PDCD1LG2: variants seen among roughly 807,000 people sequenced by gnomAD.
The protein encoded by PDCD1LG2 is programmed cell death 1 ligand 2.
PDCD1LG2 carries 32 observed loss-of-function variants against 28.2 expected under a neutral mutation model. That is an observed-to-expected ratio of 1.13 (90% CI 0.86 to 1.52). The LOEUF (loss-of-function observed/expected upper bound fraction) is 1.52, where lower values mean the gene tolerates loss of function less well. Ranked by LOEUF, PDCD1LG2 falls within the 40% of genes most tolerant of loss-of-function variation. The pLI is 0.00. For missense variants in PDCD1LG2, 385 were observed against 323.8 expected (o/e 1.19, Z -1.45); for synonymous variants, 116 against 120.2 (o/e 0.97, Z 0.23).
At position 5,556,959 on chromosome 9, in the gene PDCD1LG2, C is replaced by T. The variant is rs181943568; in HGVS notation, c.632-659C>T. The stretch of plus-strand genomic sequence containing the variant: ...ACTCACCCTTTCCTCAGTGCTAGGA[C>T]GTTGAAAAACCGAAACAAGGCAAAG... On this transcript the variant is annotated intron_variant, in intron 4 of 6. Transcript: ENST00000397747. 1.7e-4 allele frequency among the ~76,000 whole-genome samples: 26 copies of T among 152,274 alleles called. No homozygotes were observed. In the East Asian group the frequency reaches 2.1e-3, roughly 12 times the overall value.
At chr9:5,565,707 T>C (rs1307497645) in intron 6 of PDCD1LG2, among the ~76,000 whole-genome samples, 1 of 152,198 alleles carries the variant, frequency 6.6e-6, no homozygotes, top group Non-Finnish European at 1.5e-5. Context: ...GATATTTGTC[T>C]TTCTGTCCGT....
At chr9:5,563,095 T>C in intron 5 of PDCD1LG2, 67 bp from the exon 6 acceptor site, 17 of 1,279,020 alleles carry the variant, frequency 1.3e-5, no homozygotes, top group Non-Finnish European at 1.8e-5. Context: ...TCCTGCCATA[T>C]TTTAATCTAT....
At chr9:5,525,875 C>T (rs550136876) in intron 2 of PDCD1LG2, among the ~76,000 whole-genome samples, 16 of 151,950 alleles carry the variant, frequency 1.1e-4, no homozygotes, top group South Asian at 2.1e-4. Context: ...GGTGAAACCT[C>T]GTCTCTACAA....
At chr9:5,516,981 G>A (rs1820179118) in intron 1 of PDCD1LG2, among the ~76,000 whole-genome samples, 1 of 152,186 alleles carries the variant, frequency 6.6e-6, no homozygotes. Flanking sequence ...AACTCAGTAC[G>A]GGGCGGGACT....
intron 4 of PDCD1LG2, 148 bp from the exon 5 acceptor site, chr9:5,557,470 A>G (rs1816467752): frequency 1.1e-6 from 1 of 869,980 alleles, no homozygotes; most frequent in Non-Finnish European, 1.8e-6. Context: ...ATGAGCTGAT[A>G]GGTGCAGAGC....
intron 5 of PDCD1LG2, among the ~76,000 whole-genome samples, chr9:5,561,520 G>A (rs756374096): frequency 5.3e-5 from 8 of 152,164 alleles, no homozygotes; most frequent in Non-Finnish European, 1.0e-4. Flanking sequence ...ATACAAATTG[G>A]TTCAGTCAAT....
chr9:5,515,379 T>C (rs1264884277), intron 1 of PDCD1LG2, among the ~76,000 whole-genome samples: 1 of 152,224 alleles, frequency 6.6e-6, no homozygotes, highest in Non-Finnish European at 1.5e-5. Context: ...ACATAAGTGT[T>C]TCTGTTACAG....
intron 3 of PDCD1LG2, among the ~76,000 whole-genome samples, chr9:5,548,170 C>T (rs1816251207): frequency 6.6e-6 from 1 of 152,124 alleles, no homozygotes; most frequent in Admixed American, 6.5e-5. Flanking sequence ...TTCCACATCC[C>T]CAGCCTCTGA....
At chr9:5,515,152 A>G (rs896131865) in intron 1 of PDCD1LG2, among the ~76,000 whole-genome samples, 3 of 152,242 alleles carry the variant, frequency 2.0e-5, no homozygotes, top group Admixed American at 1.3e-4. Context: ...GGTTTGGTCA[A>G]GAGACCCAGA....
At chr9:5,555,521 A>T (rs1182213300) in intron 4 of PDCD1LG2, among the ~76,000 whole-genome samples, 4 of 152,236 alleles carry the variant, frequency 2.6e-5, no homozygotes, top group Admixed American at 2.6e-4. Context: ...CTAAGCTACC[A>T]TAATGAAGAG....
chr9:5,526,747 T>C (rs1349879815), intron 2 of PDCD1LG2, among the ~76,000 whole-genome samples: 1 of 152,190 alleles, frequency 6.6e-6, no homozygotes, highest in Admixed American at 6.5e-5. Context: ...CTGCCCTTTA[T>C]TTTTTCATGA....
intron 3 of PDCD1LG2, among the ~76,000 whole-genome samples, chr9:5,535,476 T>C (rs1333875441): frequency 6.6e-6 from 1 of 152,160 alleles, no homozygotes; most frequent in East Asian, 1.9e-4. Flanking sequence ...ATCAATTTAG[T>C]GAGTAGCAAC....
intron 1 of PDCD1LG2, among the ~76,000 whole-genome samples, chr9:5,512,920 T>C (rs1444089361): frequency 6.6e-6 from 1 of 152,212 alleles, no homozygotes; most frequent in South Asian, 2.1e-4. Flanking sequence ...CAGTCAATTG[T>C]TTTGTCAATT....
chr9:5,522,331 T>C (rs1392791229), intron 1 of PDCD1LG2, among the ~76,000 whole-genome samples: 1 of 152,252 alleles, frequency 6.6e-6, no homozygotes, highest in African/African-American at 2.4e-5. Context: ...TTTGGATTTA[T>C]AAAGAGTGTC....
chr9:5,524,857 C>A (rs1820340920), intron 2 of PDCD1LG2, among the ~76,000 whole-genome samples: 1 of 152,086 alleles, frequency 6.6e-6, no homozygotes, highest in Non-Finnish European at 1.5e-5. Context: ...AGTAATCAGA[C>A]TGCAACACTC....
chr9:5,543,648 C>G (rs1364422159), intron 3 of PDCD1LG2, among the ~76,000 whole-genome samples: 1 of 151,626 alleles, frequency 6.6e-6, no homozygotes, highest in Non-Finnish European at 1.5e-5. Flanking sequence ...GACAACTGTA[C>G]GTTTAAGCCT....
chr9:5,519,004 T>A (rs1820222420), intron 1 of PDCD1LG2, among the ~76,000 whole-genome samples: 1 of 152,122 alleles, frequency 6.6e-6, no homozygotes, highest in East Asian at 1.9e-4. Context: ...AAAAAGTATG[T>A]TGTACTCACA....
chr9:5,529,875 T>G (rs1005443292), intron 2 of PDCD1LG2, among the ~76,000 whole-genome samples: 2 of 152,206 alleles, frequency 1.3e-5, no homozygotes, highest in Non-Finnish European at 2.9e-5. Flanking sequence ...CTCCATGCAG[T>G]CCTCCTACAC....
At chr9:5,543,556 A>G (rs1158979071) in intron 3 of PDCD1LG2, among the ~76,000 whole-genome samples, 1 of 150,992 alleles carries the variant, frequency 6.6e-6, no homozygotes, top group African/African-American at 2.5e-5. Context: ...AAAAAAAAAA[A>G]AAAATGGCCT....
Sources: gnomAD v4.1 joint callset for allele counts (sites outside exome capture counted in the v4.1 genomes callset) on GRCh38, gnomAD v4.1.1 for gene constraint, MANE v1.5 for transcripts, NCBI Gene and HGNC (gene_info 2026-07-23, HGNC 2026-07-21) for gene names.